Variants in PCLO observed in about 807,000 individuals in gnomAD.
The protein encoded by PCLO is protein piccolo.
A neutral mutation model predicts 427.5 loss-of-function variants in PCLO; 82 were observed. The ratio of observed to expected loss-of-function variants is 0.19; its 90% CI spans 0.16 to 0.23. The LOEUF is 0.23. Ranked by LOEUF, PCLO falls within the 10% of genes least tolerant of loss-of-function variation. PCLO has a pLI of 1.00. For synonymous variants in PCLO, 2,357 were observed against 2,155.4 expected (o/e 1.09, Z -2.59); for missense variants, 6,239 against 6,115.9 (o/e 1.02, Z -0.67).
intron 3 of PCLO, among the ~76,000 whole-genome samples, chr7:83,081,504 GA>G (rs1004651241): frequency 4.2e-4 from 64 of 151,798 alleles, no homozygotes; most frequent in African/African-American, 1.5e-3. Flanking sequence ...TGAAAATGAG[GA>G]AAAAATATCT....
intron 3 of PCLO, among the ~76,000 whole-genome samples, chr7:83,088,640 C>T (rs552719364): frequency 1.3e-5 from 2 of 152,294 alleles, no homozygotes; most frequent in Non-Finnish European, 2.9e-5. Flanking sequence ...TTTTCTTCCA[C>T]ATTGAATGCG....
Position 82,758,584 on chromosome 7 carries a change from T to C in PCLO, c.15420A>G (p.Gln5140=). Reference sequence around the variant, plus strand: ...GAGAAGACATGTTTCTTCAATGCGTTTGAGTAGGACTGACCAAAAGTTTGT... The same window carrying C: ...GAGAAGACATGTTTCTTCAATGCGTCTGAGTAGGACTGACCAAAAGTTTGT... ...NWHKLLVSPT[Q]TH Residue 5140 remains glutamine, a synonymous_variant, in exon 25 of 25, where the codon CAA becomes CAG. Transcript: ENST00000333891. The C allele has an allele frequency of 6.2e-7, 1 of 1,607,572 alleles. No homozygotes were observed. The highest frequency in any genetic ancestry group is 8.5e-7 in the Non-Finnish European group (1 of 1,176,876).
At chr7:83,149,256 T>C (rs1792069712) in intron 2 of PCLO, among the ~76,000 whole-genome samples, 1 of 152,208 alleles carries the variant, frequency 6.6e-6, no homozygotes, top group Admixed American at 6.5e-5. Flanking sequence ...ATCCCACTAC[T>C]GCTTTTTATA....
chr7:82,898,395 T>C (rs930319870), intron 9 of PCLO, among the ~76,000 whole-genome samples: 3 of 151,540 alleles, frequency 2.0e-5, no homozygotes, highest in African/African-American at 7.2e-5. Flanking sequence ...TCTTCTATTT[T>C]GAAATTATTT....
chr7:82,966,626 C>T (rs1795781153), intron 3 of PCLO, 139 bp from the exon 4 acceptor site: 4 of 474,490 alleles, frequency 8.4e-6, no homozygotes, highest in Non-Finnish European at 1.5e-5. Context: ...TTTCCAAATC[C>T]AATGACGCAG....
Position 82,956,875 on chromosome 7 carries a change from G to C in PCLO, c.4078C>G (p.Leu1360Val). The C allele has an allele frequency of 6.2e-7, 1 of 1,613,584 alleles. No individual in the cohort carries two copies. The part of the protein sequence containing the change: ...SSQQPKSPQG[L>V]SDTGYSSDGI... Reference sequence around the variant, plus strand: ...TCGGAAGAATATCCCGTGTCGCTCAGACCTTGGGGGCTTTTAGGCTGCTGA... The same window carrying C: ...TCGGAAGAATATCCCGTGTCGCTCACACCTTGGGGGCTTTTAGGCTGCTGA... The change falls in exon 5 of 25, where the codon CTG becomes GTG. Residue 1360 changes from leucine to valine, a missense_variant. Coordinates refer to ENST00000333891, the MANE Select transcript of PCLO (RefSeq NM_033026.6).
intron 22 of PCLO, among the ~76,000 whole-genome samples, chr7:82,765,443 A>G (rs1452169168): frequency 1.3e-5 from 2 of 152,030 alleles, no homozygotes; most frequent in Non-Finnish European, 2.9e-5. Context: ...AGTAGATAAA[A>G]TTAATAAATC....
At chr7:82,788,203 T>TTAATATATAATTAATAATTATATA (rs1379792871) in intron 22 of PCLO, among the ~76,000 whole-genome samples, 8 of 147,564 alleles carry the variant, frequency 5.4e-5, no homozygotes, top group African/African-American at 1.5e-4. Flanking sequence ...TAATATATAT[T>TTAATATATAATTAATAATTATATA]TAATATATAA....
At chr7:82,962,194 C>T (rs1315342461) in intron 4 of PCLO, among the ~76,000 whole-genome samples, 2 of 152,116 alleles carry the variant, frequency 1.3e-5, no homozygotes, top group Admixed American at 6.6e-5. Context: ...GGTATTATGA[C>T]ACTATCACAA....
intron 3 of PCLO, among the ~76,000 whole-genome samples, chr7:83,047,253 G>C (rs979779891): frequency 1.3e-5 from 2 of 151,962 alleles, no homozygotes; most frequent in Non-Finnish European, 2.9e-5. Flanking sequence ...AAGTACTTAT[G>C]AGAGAATTGC....
chr7:82,879,522 A>C, intron 9 of PCLO, 60 bp from the exon 10 acceptor site: 1 of 1,328,304 alleles, frequency 7.5e-7, no homozygotes, highest in Non-Finnish European at 1.0e-6. Flanking sequence ...TAGTTATCAC[A>C]AGTTACAGAG....
At chr7:82,802,526 G>A (rs1250781734) in intron 21 of PCLO, among the ~76,000 whole-genome samples, 2 of 152,082 alleles carry the variant, frequency 1.3e-5, no homozygotes, top group African/African-American at 4.8e-5. Context: ...TTATTTCTTC[G>A]GCTAGAGAAA....
rs200237868 is a variant in PCLO at position 82,952,956 on chromosome 7, A to G, written c.7997T>C (p.Val2666Ala). ...PSSFQAAPTSVTQFLTTEVSK... is the reference protein window; with the variant it reads ...PSSFQAAPTSATQFLTTEVSK... ...AACTTCAGTAGTGAGAAACTGTGTA[A>G]CTGATGTGGGAGCTGCTTGAAATGA... The change falls in exon 5 of 25, where the codon GTT becomes GCT. Residue 2666 changes from valine (V) to alanine (A), a missense_variant. By Grantham distance (64) the Val-to-Ala change is moderately conservative (BLOSUM62 0). Transcript: ENST00000333891. 6.7e-5 allele frequency: 108 copies of G among 1,613,796 alleles called. No individual in the cohort carries two copies. The highest frequency in any genetic ancestry group is 9.1e-5 in the Non-Finnish European group (107 of 1,179,872).
Position 82,916,495 on chromosome 7 carries a change from G to A in PCLO, c.11491C>T (p.Arg3831Cys). 1 of 1,613,682 alleles carries A rather than the reference G, an allele frequency of 6.2e-7. No individual in the cohort carries two copies. Residue 3831 changes from arginine (R) to cysteine (C), a missense_variant, in exon 7 of 25, where the codon CGT becomes TGT. Around this residue, in one of 5 missense-constraint regions of PCLO, gnomAD observed 680 missense variants for 677.3 expected, o/e 1.00. Transcript: ENST00000333891. ...ACTTCACTGTCAGACATGTAATCAC[G>A]ATCCTCAGCTACTCCCTGGAGGTAG... ...RAYLQGVAEDRDYMSDSEVSS... is the reference protein window; with the variant it reads ...RAYLQGVAEDCDYMSDSEVSS...
chr7:82,928,983 CTT>C (rs2116330607), intron 6 of PCLO, among the ~76,000 whole-genome samples: 1 of 152,210 alleles, frequency 6.6e-6, no homozygotes, highest in Admixed American at 6.5e-5. Context: ...AGGATGAACT[CTT>C]TACGGCTTGC....
chr7:83,122,286 C>CTTTTTTTTT (rs71074624), intron 3 of PCLO, among the ~76,000 whole-genome samples: 8 of 128,278 alleles, frequency 6.2e-5, no homozygotes, highest in South Asian at 4.9e-4. Flanking sequence ...CTTTTCTTTT[C>CTTTTTTTTT]TTTTTTTTTT....
At chr7:82,828,950 T>C (rs965261724) in intron 16 of PCLO, among the ~76,000 whole-genome samples, 7 of 152,146 alleles carry the variant, frequency 4.6e-5, no homozygotes, top group Admixed American at 3.9e-4. Context: ...ATTTCACAAG[T>C]TGCCTTTCCC....
chr7:83,138,059 C>A (rs933719616), intron 2 of PCLO, among the ~76,000 whole-genome samples: 4 of 152,232 alleles, frequency 2.6e-5, no homozygotes, highest in African/African-American at 9.6e-5. Flanking sequence ...CATTAATTTT[C>A]TTCCATAGTC....
chr7:82,881,028 C>T (rs1793494171), intron 9 of PCLO, among the ~76,000 whole-genome samples: 1 of 152,126 alleles, frequency 6.6e-6, no homozygotes, highest in Admixed American at 6.6e-5. Context: ...CATATCAGAA[C>T]TGAGAATCCA....
Sources: gnomAD v4.1 joint callset for allele counts (sites outside exome capture counted in the v4.1 genomes callset) on GRCh38, gnomAD v4.1.1 for gene constraint, gnomAD v4.1.1 regional missense constraint, MANE v1.5 for transcripts, NCBI Gene and HGNC (gene_info 2026-07-23, HGNC 2026-07-21) for gene names.